GRB2: variants seen among roughly 807,000 people sequenced by gnomAD.
GRB2 encodes the protein growth factor receptor bound protein 2.
GRB2 carries 2 observed loss-of-function variants against 27.4 expected under a neutral mutation model. The observed-to-expected ratio is 0.07, with a 90% CI of 0.03 to 0.23. GRB2 has a LOEUF of 0.23. GRB2 is among the 10% of genes least tolerant of loss of function. The probability of loss-of-function intolerance (pLI) is 1.00; values close to 1 mark genes in which losing one functional copy is unlikely to be tolerated. For missense variants in GRB2, 102 were observed against 282.4 expected (o/e 0.36, Z 4.58); for synonymous variants, 94 against 99.6 (o/e 0.94, Z 0.33).
At position 75,320,566 on chromosome 17, in the gene GRB2, A is replaced by G. The variant is rs760648002; in HGVS notation, c.469-13T>C. 2.5e-6 allele frequency: 4 copies of G among 1,607,732 alleles called. No homozygotes were observed. In the South Asian group the frequency reaches 4.4e-5, roughly 18 times the overall value. On this transcript the variant is annotated splice_polypyrimidine_tract_variant and intron_variant, in intron 5 of 5. Transcript: ENST00000316804. The surrounding 1 kb of genome is among the most constrained non-coding windows in gnomAD (Gnocchi z 4.3). ...CGTATGTCGGCTGCTGCAAAACAGGAGCAGGAAAAACCCACATTGCATTCC... is the reference window on the plus strand; with the variant it reads ...CGTATGTCGGCTGCTGCAAAACAGGGGCAGGAAAAACCCACATTGCATTCC...
chr17:75,401,110 C>T (rs1211760016), intron 1 of GRB2, among the ~76,000 whole-genome samples: 1 of 151,808 alleles, frequency 6.6e-6, no homozygotes, highest in East Asian at 1.9e-4. Flanking sequence ...TATAGTTTAT[C>T]CTATTTCTGT....
At chr17:75,383,369 C>G (rs2078942171) in intron 2 of GRB2, among the ~76,000 whole-genome samples, 1 of 152,280 alleles carries the variant, frequency 6.6e-6, no homozygotes, top group South Asian at 2.1e-4. Flanking sequence ...TGGAACAGTT[C>G]TGAGTCTGAG....
chr17:75,355,510 G>T (rs2078725949), intron 2 of GRB2, among the ~76,000 whole-genome samples: 4 of 150,786 alleles, frequency 2.7e-5, no homozygotes. Context: ...ATAAATCGGG[G>T]ATGTCCAATC....
chr17:75,358,910 T>TAC (rs2078756458), intron 2 of GRB2, among the ~76,000 whole-genome samples: 1 of 67,766 alleles, frequency 1.5e-5, no homozygotes, highest in African/African-American at 3.1e-5. Flanking sequence ...TATATATATA[T>TAC]ATATAAATAT....
At chr17:75,381,770 T>C (rs2078930613) in intron 2 of GRB2, among the ~76,000 whole-genome samples, 1 of 146,946 alleles carries the variant, frequency 6.8e-6, no homozygotes, top group South Asian at 2.1e-4. Flanking sequence ...TATGAAATAA[T>C]GACATGAAAT....
At chr17:75,387,147 A>T (rs1241214530) in intron 2 of GRB2, among the ~76,000 whole-genome samples, 7 of 151,600 alleles carry the variant, frequency 4.6e-5, no homozygotes, top group African/African-American at 1.7e-4. Flanking sequence ...CCTGAGGGAC[A>T]GAGCGAGACT....
intron 2 of GRB2, among the ~76,000 whole-genome samples, chr17:75,369,338 A>G (rs2078840841): frequency 6.6e-6 from 1 of 152,248 alleles, no homozygotes; most frequent in African/African-American, 2.4e-5. Context: ...CTGGAACAGG[A>G]GTAGCAGCAC....
intron 3 of GRB2, among the ~76,000 whole-genome samples, chr17:75,329,375 C>T (rs765089853): frequency 6.6e-6 from 1 of 152,104 alleles, no homozygotes; most frequent in East Asian, 1.9e-4. Flanking sequence ...CACGTGTTGG[C>T]GGTTCTAACA....
chr17:75,361,704 G>T (rs955704946), intron 2 of GRB2, among the ~76,000 whole-genome samples: 4 of 151,848 alleles, frequency 2.6e-5, no homozygotes, highest in African/African-American at 9.7e-5. Flanking sequence ...CCAAACTAGG[G>T]GGAAAAAGCT....
intron 2 of GRB2, among the ~76,000 whole-genome samples, chr17:75,378,277 C>T (rs1376760563): frequency 2.0e-5 from 3 of 151,956 alleles, no homozygotes; most frequent in Non-Finnish European, 4.4e-5. Flanking sequence ...GTAATCCTAG[C>T]TACTTGGGAG....
At chr17:75,386,114 A>C (rs1211027961) in intron 2 of GRB2, among the ~76,000 whole-genome samples, 1 of 152,046 alleles carries the variant, frequency 6.6e-6, no homozygotes, top group Non-Finnish European at 1.5e-5. Flanking sequence ...TGAGTTTCTT[A>C]GAATAAATTC....
rs150762903 is a variant in GRB2, at chr17:75,332,718, A to G, written c.158T>C (p.Ile53Thr). The G allele has an allele frequency of 5.0e-6, 8 of 1,605,800 alleles. No individual in the cohort carries two copies. The highest frequency in any genetic ancestry group is 1.1e-5 in the South Asian group (1 of 90,688). The change falls in exon 3 of 6, where the codon ATA becomes ACA. Residue 53 changes from isoleucine (I) to threonine (T), a missense_variant. Ile to Thr is a moderately conservative substitution (Grantham distance 89). Coordinates refer to ENST00000316804, the MANE Select transcript of GRB2 (RefSeq NM_002086.5). ...AACTTACGGATGTGGTTTCATTTCT[A>G]TGTAGTTCTTGGGAATGAAGCCGTC... The part of the protein sequence containing the change: ...GKDGFIPKNY[I>T]EMKPHPWFFG...
intron 2 of GRB2, among the ~76,000 whole-genome samples, chr17:75,340,574 G>T (rs1398658685): frequency 6.6e-6 from 1 of 152,160 alleles, no homozygotes; most frequent in African/African-American, 2.4e-5. Context: ...AATTCTAAGG[G>T]CCCTGGCTAG....
intron 2 of GRB2, among the ~76,000 whole-genome samples, chr17:75,363,718 G>A (rs1057291762): frequency 1.3e-5 from 2 of 151,792 alleles, no homozygotes; most frequent in African/African-American, 4.8e-5. Context: ...AAATTAGCCG[G>A]GCATGGTAGC....
chr17:75,398,162 T>C lies in GRB2; in HGVS notation c.-137-4397A>G, dbSNP rs118046884. Among the ~76,000 whole-genome samples, 696 of 152,166 alleles carry C rather than the reference T, an allele frequency of 4.6e-3. 35 individuals are homozygous for C. The East Asian group carries it at 0.11, about 24-fold the overall frequency. On this transcript the variant is annotated intron_variant, in intron 1 of 5. Transcript: ENST00000316804. Reference sequence around the variant, plus strand: ...TAAATGTTACTCTATTTAAAACATATGAAAAGAAATGCAAATTAAAACAAT... The same window carrying C: ...TAAATGTTACTCTATTTAAAACATACGAAAAGAAATGCAAATTAAAACAAT...
chr17:75,330,473 A>C (rs1335472776), intron 3 of GRB2, among the ~76,000 whole-genome samples: 1 of 149,952 alleles, frequency 6.7e-6, no homozygotes, highest in Non-Finnish European at 1.5e-5. Flanking sequence ...CAAGAGCTCG[A>C]GATCAGCTTG....
chr17:75,374,866 C>T (rs147113651), intron 2 of GRB2, among the ~76,000 whole-genome samples: 4 of 152,202 alleles, frequency 2.6e-5, no homozygotes, highest in East Asian at 1.9e-4. Context: ...ACTCTCTGCA[C>T]GGCATTCAGA....
intron 2 of GRB2, among the ~76,000 whole-genome samples, chr17:75,384,569 C>T (rs1203937623): frequency 2.0e-5 from 3 of 152,224 alleles, no homozygotes; most frequent in African/African-American, 2.4e-5. Context: ...ACTCAAGAGG[C>T]TAAGGCAGGA....
intron 2 of GRB2, among the ~76,000 whole-genome samples, chr17:75,340,850 T>C (rs2078615991): frequency 6.6e-6 from 1 of 152,188 alleles, no homozygotes; most frequent in African/African-American, 2.4e-5. Flanking sequence ...ACACCCACAG[T>C]GTAGATAAAC....
Sources: allele counts gnomAD v4.1 joint callset (sites outside exome capture counted in the v4.1 genomes callset), GRCh38; gene constraint gnomAD v4.1.1; non-coding constraint Gnocchi (gnomAD v3.1); transcripts MANE v1.5; gene names NCBI Gene and HGNC (gene_info 2026-07-23, HGNC 2026-07-21).